Variants in RGS7BP observed in about 807,000 individuals in gnomAD.
The protein encoded by RGS7BP is regulator of G protein signaling 7-binding protein.
In RGS7BP, 9 loss-of-function variants were observed where a neutral mutation model predicts 31.3. That is an observed-to-expected ratio of 0.29 (90% CI 0.17 to 0.50). RGS7BP has a LOEUF of 0.50. Among genes scored for constraint, RGS7BP ranks in the 20% least tolerant of loss-of-function variants. The pLI, the probability that RGS7BP is intolerant of heterozygous loss-of-function variation, is 0.98. For missense variants in RGS7BP, 274 were observed against 322.0 expected, an observed-to-expected ratio of 0.85 and a Z score of 1.14; for synonymous variants, 115 against 120.1, an observed-to-expected ratio of 0.96 and a Z score of 0.28.
At chr5:64,602,087 G>C (rs1743232657) in intron 5 of RGS7BP, among the ~76,000 whole-genome samples, 1 of 152,158 alleles carries the variant, frequency 6.6e-6, no homozygotes, top group Non-Finnish European at 1.5e-5. Flanking sequence ...TGTGGGCCTA[G>C]AGATAGTTCT....
At chr5:64,595,087 C>A (rs1436824969) in intron 4 of RGS7BP, among the ~76,000 whole-genome samples, 2 of 152,162 alleles carry the variant, frequency 1.3e-5, no homozygotes, top group African/African-American at 2.4e-5. Context: ...ACTAGCAACA[C>A]CCACAGTAGG....
intron 3 of RGS7BP, among the ~76,000 whole-genome samples, chr5:64,582,939 A>C (rs1177827552): frequency 2.0e-5 from 3 of 152,250 alleles, no homozygotes; most frequent in African/African-American, 7.2e-5. Context: ...AATTGATACT[A>C]AAATAGAACA....
At chr5:64,546,154 A>AAAAACAAAACAAAAC (rs531651308) in intron 2 of RGS7BP, among the ~76,000 whole-genome samples, 2 of 152,142 alleles carry the variant, frequency 1.3e-5, no homozygotes, top group Non-Finnish European at 2.9e-5. Flanking sequence ...ACTCTGTCTC[A>AAAAACAAAACAAAAC]AAAACAAAAC....
At chr5:64,597,637 A>G (rs1463015619) in intron 4 of RGS7BP, among the ~76,000 whole-genome samples, 1 of 151,630 alleles carries the variant, frequency 6.6e-6, no homozygotes, top group African/African-American at 2.4e-5. Context: ...CATTGTCTTC[A>G]ATGAAACAAC....
At chr5:64,536,991 T>C (rs1253039273) in intron 2 of RGS7BP, among the ~76,000 whole-genome samples, 1 of 152,242 alleles carries the variant, frequency 6.6e-6, no homozygotes, top group Non-Finnish European at 1.5e-5. Flanking sequence ...ATTGCAAGTA[T>C]CTTCAAGTTT....
intron 2 of RGS7BP, among the ~76,000 whole-genome samples, chr5:64,567,159 C>T (rs1162917253): frequency 6.6e-6 from 1 of 150,612 alleles, no homozygotes; most frequent in Admixed American, 6.6e-5. Flanking sequence ...GAGGACCACC[C>T]AGAACATTCT....
At chr5:64,511,069 T>G (rs1274755840) in intron 2 of RGS7BP, among the ~76,000 whole-genome samples, 1 of 152,132 alleles carries the variant, frequency 6.6e-6, no homozygotes, top group Non-Finnish European at 1.5e-5. Flanking sequence ...TGAGGCAAGA[T>G]AGAGAGGAAG....
intron 4 of RGS7BP, among the ~76,000 whole-genome samples, chr5:64,596,331 T>A (rs910131371): frequency 1.3e-5 from 2 of 152,140 alleles, no homozygotes; most frequent in African/African-American, 4.8e-5. Context: ...TGAGAGATCA[T>A]GGGTCTCAAA....
At chr5:64,557,625 G>A (rs955489217) in intron 2 of RGS7BP, among the ~76,000 whole-genome samples, 1 of 152,180 alleles carries the variant, frequency 6.6e-6, no homozygotes, top group African/African-American at 2.4e-5. Context: ...GCAGGAACAT[G>A]ACTTTGTGTA....
intron 4 of RGS7BP, among the ~76,000 whole-genome samples, 198 bp from the exon 5 acceptor site, chr5:64,598,167 C>T (rs886378833): frequency 6.6e-6 from 1 of 152,204 alleles, no homozygotes; most frequent in Non-Finnish European, 1.5e-5. Flanking sequence ...GAATGGCTCT[C>T]ACTTTTTCCT....
At chr5:64,602,560 G>A (rs1296840847) in intron 5 of RGS7BP, among the ~76,000 whole-genome samples, 1 of 152,168 alleles carries the variant, frequency 6.6e-6, no homozygotes, top group Non-Finnish European at 1.5e-5. Flanking sequence ...GCTAGGTGCT[G>A]AGGAGGTCTC....
At chr5:64,515,711 T>TACACAC (rs140297030) in intron 2 of RGS7BP, among the ~76,000 whole-genome samples, 39,193 of 148,370 alleles carry the variant, frequency 0.26, 5,747 homozygotes, top group Admixed American at 0.34. Context: ...CCTATATGCA[T>TACACAC]ACACACACAC....
chr5:64,511,558 G>GGC (rs1748835728), intron 2 of RGS7BP, among the ~76,000 whole-genome samples: 1 of 152,094 alleles, frequency 6.6e-6, no homozygotes, highest in South Asian at 2.1e-4. Context: ...CACTGCTTGG[G>GGC]GTGTGTGTGT....
rs1007597932 is a variant in RGS7BP, at chr5:64,609,347, G to T, written c.*95G>T. ...CTGAACCACACAGTTATTGGTTTTT[G>T]ACTATGTTTTCTATGCTTCCTTATT... is the stretch of plus-strand genomic sequence containing the variant. On this transcript the variant is annotated 3_prime_UTR_variant, in exon 6 of 6. Transcript: ENST00000334025. 10 of 756,544 alleles carry T rather than the reference G, an allele frequency of 1.3e-5. No individual in the cohort carries two copies. The highest frequency in any genetic ancestry group is 3.5e-5 in the African/African-American group (2 of 57,882). The allele number at this position is 756,544 out of a possible 1,614,324, so 46.9% of individuals were successfully genotyped here. A position where few individuals can be genotyped will look rare whatever the true frequency, so the allele number is the denominator to read the frequency against.
chr5:64,523,681 C>G (rs897781792), intron 2 of RGS7BP, among the ~76,000 whole-genome samples: 2 of 152,062 alleles, frequency 1.3e-5, no homozygotes, highest in East Asian at 3.9e-4. Context: ...AAAGAATACA[C>G]CAAATATTGA....
chr5:64,585,852 G>A (rs1271616344), intron 3 of RGS7BP, among the ~76,000 whole-genome samples: 1 of 152,070 alleles, frequency 6.6e-6, no homozygotes, highest in Non-Finnish European at 1.5e-5. Context: ...AGTTTTTGAT[G>A]TCCTAGTTCT....
chr5:64,587,186 GC>G (rs1359825813), intron 3 of RGS7BP, among the ~76,000 whole-genome samples: 1 of 152,122 alleles, frequency 6.6e-6, no homozygotes, highest in Non-Finnish European at 1.5e-5. Context: ...ATTGGCCATA[GC>G]TCTGTCACAC....
At chr5:64,549,556 T>C (rs982296244) in intron 2 of RGS7BP, among the ~76,000 whole-genome samples, 16 of 152,202 alleles carry the variant, frequency 1.1e-4, no homozygotes, top group African/African-American at 3.9e-4. Context: ...TTTTTCTTCT[T>C]CTTGAAGAAT....
intron 2 of RGS7BP, among the ~76,000 whole-genome samples, chr5:64,544,079 T>C (rs1257590545): frequency 6.6e-6 from 1 of 152,232 alleles, no homozygotes; most frequent in East Asian, 1.9e-4. Flanking sequence ...TAATGATATT[T>C]GATATATAGT....
Sources: allele counts gnomAD v4.1 joint callset (sites outside exome capture counted in the v4.1 genomes callset), GRCh38; gene constraint gnomAD v4.1.1; transcripts MANE v1.5; gene names NCBI Gene and HGNC (gene_info 2026-07-23, HGNC 2026-07-21).